The following FCER1G variants were observed in gnomAD, a reference collection of about 807,000 sequenced individuals.
FCER1G encodes the protein high affinity immunoglobulin epsilon receptor subunit gamma.
In FCER1G, 7 loss-of-function variants were observed where a neutral mutation model predicts 17.3. The observed-to-expected ratio is 0.40, with a 90% CI of 0.23 to 0.76. FCER1G has a LOEUF of 0.76. FCER1G is among the 30% of genes least tolerant of loss of function. The probability of loss-of-function intolerance (pLI) is 0.35; values close to 1 mark genes in which losing one functional copy is unlikely to be tolerated. For synonymous variants in FCER1G, 35 were observed against 38.7 expected (o/e 0.90, Z 0.35); for missense variants, 87 against 97.7 (o/e 0.89, Z 0.46).
chr1:161,218,595 C>A (rs1430212069), intron 3 of FCER1G, 108 bp from the exon 4 acceptor site: 9 of 1,160,690 alleles, frequency 7.8e-6, no homozygotes, highest in African/African-American at 1.5e-5. Flanking sequence ...GCCCTCTAGC[C>A]CAAGGTGGCT....
At chr1:161,217,284 G>A (rs11265566) in intron 1 of FCER1G, among the ~76,000 whole-genome samples, 350 of 152,070 alleles carry the variant, frequency 2.3e-3, no homozygotes, top group African/African-American at 7.8e-3. Flanking sequence ...GTGAGTAATA[G>A]GGCAGAGTAA....
At position 161,218,246 on chromosome 1, in the gene FCER1G, A is replaced by G; in HGVS notation, c.147A>G (p.Gln49=). ...LTLLYCRLKI[Q]VRKAAITSYE... ...TAACCTTTCCCCCATTCCAGATCCA[A>G]GTGCGAAAGGCAGCTATAACCAGCT... Residue 49 remains glutamine, a synonymous_variant, in exon 3 of 5, where the codon CAA becomes CAG. Transcript: ENST00000289902. 6.2e-7 allele frequency: 1 copy of G among 1,613,854 alleles called. No individual in the cohort carries two copies. Among genetic ancestry groups the G allele is most frequent in the Non-Finnish European group, 8.5e-7 (1 of 1,179,738 alleles).
rs200441715 is a variant in FCER1G, at chr1:161,216,421, T to G, written c.49+1051T>G. Among the ~76,000 whole-genome samples, 475 of 141,986 alleles carry G rather than the reference T, an allele frequency of 3.3e-3. 7 individuals are homozygous for G. In the East Asian group the frequency reaches 0.044, roughly 13 times the overall value. The allele number at this position is 141,986 out of a possible 152,430, so 93.1% of individuals were successfully genotyped here. On this transcript the variant is annotated intron_variant, in intron 1 of 4. Coordinates refer to ENST00000289902, the MANE Select transcript of FCER1G (RefSeq NM_004106.2). ...ACACACACACACACACATATATATA[T>G]ATATATAGAGAGAGAGAGAGAGAGA...
intron 4 of FCER1G, 26 bp downstream of exon 4, chr1:161,218,749 A>G (rs1035037466): frequency 9.3e-6 from 15 of 1,613,002 alleles, no homozygotes; most frequent in Non-Finnish European, 1.3e-5. Context: ...TCCCCCACCC[A>G]GGAAGTCAGC....
Position 161,218,909 on chromosome 1 carries a change from AC to A in FCER1G, c.228del (p.Tyr76Ter). 6.2e-7 allele frequency: 1 copy of A among 1,613,974 alleles called. No individual in the cohort carries two copies. The highest frequency in any genetic ancestry group is 8.5e-7 in the Non-Finnish European group (1 of 1,179,914). On this transcript the variant is annotated frameshift_variant, in exon 5 of 5. Coordinates refer to ENST00000289902, the MANE Select transcript of FCER1G (RefSeq NM_004106.2). LOFTEE classifies it high-confidence loss of function. The stretch of plus-strand genomic sequence containing the variant: ...CTGAGCACCAGGAACCAGGAGACTT[AC>A]GAGACTCTGAAGCATGAGAAACCAC... The part of the protein sequence containing the change: ...TGLSTRNQET[Y>X]ETLKHEKPPQ
At position 161,218,243 on chromosome 1, in the gene FCER1G, C is replaced by T. The variant is rs1288089175; in HGVS notation, c.144C>T (p.Ile48=). Residue 48 remains isoleucine (I), a splice_region_variant and synonymous_variant, in exon 3 of 5, where the codon ATC becomes ATT. Coordinates refer to ENST00000289902, the MANE Select transcript of FCER1G (RefSeq NM_004106.2). ...TGATAACCTTTCCCCCATTCCAGAT[C>T]CAAGTGCGAAAGGCAGCTATAACCA... is the stretch of plus-strand genomic sequence containing the variant. ...VLTLLYCRLK[I]QVRKAAITSY... is the part of the protein sequence containing the mutation. The T allele has an allele frequency of 2.5e-6, 4 of 1,613,632 alleles. No homozygotes were observed. In the East Asian group the frequency reaches 6.7e-5, roughly 27 times the overall value.
chr1:161,218,758 GC>G, intron 4 of FCER1G, 35 bp downstream of exon 4: 1 of 1,612,724 alleles, frequency 6.2e-7, no homozygotes, highest in Admixed American at 1.7e-5. Flanking sequence ...CAGGAAGTCA[GC>G]AGAAGAGGGT....
At chr1:161,216,266 C>T (rs546759948) in intron 1 of FCER1G, among the ~76,000 whole-genome samples, 49 of 150,542 alleles carry the variant, frequency 3.3e-4, no homozygotes, top group Non-Finnish European at 5.6e-4. Flanking sequence ...GAGCCAAGAT[C>T]GCACCACTGC....
At position 161,219,167 on chromosome 1, in the gene FCER1G, C is replaced by A; in HGVS notation, c.*224C>A. On this transcript the variant is annotated 3_prime_UTR_variant, in exon 5 of 5. Transcript: ENST00000289902. ...ATTCTAGTCTCACTCTCTTGTCCCA[C>A]CCTTCTTCTCTTCCCCATTCCCAAC... 1.8e-6 allele frequency: 1 copy of A among 552,678 alleles called. No homozygotes were observed. The highest frequency in any genetic ancestry group is 3.0e-5 in the East Asian group (1 of 33,042). 34.2% of individuals were successfully genotyped at this position (552,678 alleles called of 1,614,324 possible).
At chr1:161,217,385 CTTTTT>C (rs748410818) in intron 1 of FCER1G, among the ~76,000 whole-genome samples, 2 of 121,390 alleles carry the variant, frequency 1.6e-5, no homozygotes, top group Non-Finnish European at 3.4e-5. Context: ...AACAGACACA[CTTTTT>C]TTTTTTTTTT....
At chr1:161,215,409 A>G (rs1666012344) in intron 1 of FCER1G, 39 bp downstream of exon 1, 6 of 1,589,960 alleles carry the variant, frequency 3.8e-6, no homozygotes, top group Admixed American at 1.7e-5. Flanking sequence ...AGCTGGCTCC[A>G]GGGTGGAAGT....
At position 161,219,015 on chromosome 1, in the gene FCER1G, T is replaced by C; in HGVS notation, c.*72T>C. ...CAGCCCTCATGGTTGGCATCACATA[T>C]GCCTGCATGCCATTAACACCAGCTG... On this transcript the variant is annotated 3_prime_UTR_variant, in exon 5 of 5. Transcript: ENST00000289902. The C allele has an allele frequency of 8.7e-7, 1 of 1,144,646 alleles. No individual in the cohort carries two copies. Among genetic ancestry groups the C allele is most frequent in the South Asian group, 1.2e-5 (1 of 81,082 alleles). The allele number at this position is 1,144,646 out of a possible 1,614,324, so 70.9% of individuals were successfully genotyped here. A position where few individuals can be genotyped will look rare whatever the true frequency, so the allele number is the denominator to read the frequency against.
rs1032907272 is a variant in FCER1G, at chr1:161,219,192, C to T, written c.*249C>T. ...CCCTTCTTCTCTTCCCCATTCCCAACTCCAGCTAAAATATGGGAAGGGAGA... is the reference window on the plus strand; with the variant it reads ...CCCTTCTTCTCTTCCCCATTCCCAATTCCAGCTAAAATATGGGAAGGGAGA... On this transcript the variant is annotated 3_prime_UTR_variant, in exon 5 of 5. Coordinates refer to ENST00000289902, the MANE Select transcript of FCER1G (RefSeq NM_004106.2). The T allele has an allele frequency of 9.5e-6, 5 of 526,920 alleles. No homozygotes were observed. The highest frequency in any genetic ancestry group is 5.0e-4 in the Middle Eastern group (1 of 1,992). The allele number at this position is 526,920 out of a possible 1,614,324, so 32.6% of individuals were successfully genotyped here. A position where few individuals can be genotyped will look rare whatever the true frequency, so the allele number is the denominator to read the frequency against.
rs1449359923 is a variant in FCER1G at position 161,218,016 on chromosome 1, T to C, written c.80T>C (p.Ile27Thr). The C allele has an allele frequency of 4.3e-6, 7 of 1,613,944 alleles. No individual in the cohort carries two copies. Among genetic ancestry groups the C allele is most frequent in the Non-Finnish European group, 5.9e-6 (7 of 1,179,892 alleles). ...CTGGGAGAGCCTCAGCTCTGCTATA[T>C]CCTGGATGCCATCCTGTTTCTGTAT... Reference protein sequence around the residue: ...AALGEPQLCYILDAILFLYGI... With the variant: ...AALGEPQLCYTLDAILFLYGI... Residue 27 changes from isoleucine (I) to threonine (T), a missense_variant, in exon 2 of 5, where the codon ATC (isoleucine) becomes ACC (threonine). Ile to Thr is a moderately conservative substitution (Grantham distance 89, BLOSUM62 -1). Transcript: ENST00000289902.
chr1:161,216,502 G>T (rs1328220147), intron 1 of FCER1G, among the ~76,000 whole-genome samples: 1 of 151,258 alleles, frequency 6.6e-6, no homozygotes, highest in Non-Finnish European at 1.5e-5. Context: ...GTAAGGCAAG[G>T]ATATAGCCAA....
At chr1:161,218,509 A>G (rs1266398237) in intron 3 of FCER1G, among the ~76,000 whole-genome samples, 194 bp from the exon 4 acceptor site, 1 of 152,160 alleles carries the variant, frequency 6.6e-6, no homozygotes, top group East Asian at 1.9e-4. Flanking sequence ...ACTTGGATGT[A>G]GTATGTCGGG....
At chr1:161,217,618 C>T (rs1231426108) in intron 1 of FCER1G, among the ~76,000 whole-genome samples, 1 of 152,046 alleles carries the variant, frequency 6.6e-6, no homozygotes, top group African/African-American at 2.4e-5. Context: ...CCCATCTTGG[C>T]TGAGGTTTTG....
intron 3 of FCER1G, among the ~76,000 whole-genome samples, 172 bp downstream of exon 3, chr1:161,218,448 A>G (rs1348602939): frequency 6.6e-6 from 1 of 152,150 alleles, no homozygotes; most frequent in Non-Finnish European, 1.5e-5. Flanking sequence ...TAAAATATTC[A>G]GCAGGTGACA....
In FCER1G at chr1:161,216,361, TACACACACACACACATACAC is replaced by T. The variant is rs564689915; in HGVS notation, c.49+1007_49+1026del. 1.9e-3 allele frequency among the ~76,000 whole-genome samples: 255 copies of T among 137,586 alleles called. 1 individual carries two copies. Among genetic ancestry groups the T allele is most frequent in the Non-Finnish European group, 3.2e-3 (206 of 63,834 alleles). 90.3% of individuals were successfully genotyped at this position (137,586 alleles called of 152,430 possible). ...ATATATCTCTATCTATCTATCTATA[TACACACACACACACATACAC>T]ACACACACACACACACACACACACA... On this transcript the variant is annotated intron_variant, in intron 1 of 4. Transcript: ENST00000289902.
Sources: allele counts gnomAD v4.1 joint callset (sites outside exome capture counted in the v4.1 genomes callset), GRCh38; gene constraint gnomAD v4.1.1; transcripts MANE v1.5; gene names NCBI Gene and HGNC (gene_info 2026-07-23, HGNC 2026-07-21).